The following CEP78 variants were observed in gnomAD, a reference collection of about 807,000 sequenced individuals.
CEP78 encodes centrosomal protein 78, also known as centrosomal protein of 78 kDa.
CEP78 carries 76 observed loss-of-function variants against 81.2 expected under a neutral mutation model. That is an observed-to-expected ratio of 0.94 (90% CI 0.78 to 1.13). The LOEUF (loss-of-function observed/expected upper bound fraction) is 1.13, where lower values mean the gene tolerates loss of function less well. CEP78 is among the 50% of genes most tolerant of loss of function. CEP78 has a pLI of 0.00. For missense variants in CEP78, 918 were observed against 846.8 expected (o/e 1.08, Z -1.04); for synonymous variants, 293 against 301.4 (o/e 0.97, Z 0.29).
In CEP78 at chr9:78,274,349, A is replaced by G. The variant is rs1047937551; in HGVS notation, c.*3498A>G. On this transcript the variant is annotated 3_prime_UTR_variant, in exon 17 of 17. Coordinates refer to ENST00000643273, the MANE Select transcript of CEP78 (RefSeq NM_001330691.3). Reference sequence around the variant, plus strand: ...GAGGAGTTGATTACAAAGAGGCTGTACAAGGGAGTTTGTTTGTTTGTTTGT... The same window carrying G: ...GAGGAGTTGATTACAAAGAGGCTGTGCAAGGGAGTTTGTTTGTTTGTTTGT... 1 of 152,202 alleles carries G rather than the reference A, an allele frequency of 6.6e-6. No homozygotes were observed. The highest frequency in any genetic ancestry group is 2.4e-5 in the African/African-American group (1 of 41,382). The allele number at this position is 152,202 out of a possible 1,614,324, so 9.4% of individuals were successfully genotyped here.
intron 16 of CEP78, among the ~76,000 whole-genome samples, chr9:78,268,520 A>G (rs952752770): frequency 6.6e-6 from 1 of 152,192 alleles, no homozygotes; most frequent in Non-Finnish European, 1.5e-5. Context: ...AGGCTGATAC[A>G]TTAAAGAAGT....
chr9:78,245,712 T>C (rs1826446511), intron 5 of CEP78, among the ~76,000 whole-genome samples: 1 of 152,234 alleles, frequency 6.6e-6, no homozygotes, highest in African/African-American at 2.4e-5. Context: ...CTAGTATTCA[T>C]GAGCATTTGT....
At chr9:78,242,160 C>T (rs1376275105) in intron 4 of CEP78, among the ~76,000 whole-genome samples, 3 of 151,962 alleles carry the variant, frequency 2.0e-5, no homozygotes, top group Non-Finnish European at 2.9e-5. Context: ...TGGTGTAGAT[C>T]GGGGTAGTCA....
At chr9:78,236,660 G>T in intron 1 of CEP78, 57 bp downstream of exon 1, 1 of 1,506,200 alleles carries the variant, frequency 6.6e-7, no homozygotes, top group Non-Finnish European at 8.9e-7. Flanking sequence ...GGGTTTTTAG[G>T]TGAGTGGTGT....
chr9:78,275,788 A>C lies in CEP78; in HGVS notation c.*4937A>C, dbSNP rs899564248. On this transcript the variant is annotated 3_prime_UTR_variant, in exon 17 of 17. Transcript: ENST00000643273. The stretch of plus-strand genomic sequence containing the variant: ...ATTAAAAAACAAAACAAAACAAAAA[A>C]ACCCAAAACTTAGCCAGGCATGGTG... The C allele has an allele frequency of 3.3e-5, 5 of 152,136 alleles. No homozygotes were observed. The highest frequency in any genetic ancestry group is 7.3e-5 in the Non-Finnish European group (5 of 68,304). 9.4% of individuals were successfully genotyped at this position (152,136 alleles called of 1,614,324 possible). A position where few individuals can be genotyped will look rare whatever the true frequency, so the allele number is the denominator to read the frequency against.
At chr9:78,249,457 A>T (rs947729282) in intron 8 of CEP78, 1 of 152,194 alleles carries the variant, frequency 6.6e-6, no homozygotes, top group Non-Finnish European at 1.5e-5. Flanking sequence ...TTAGACAAAC[A>T]TTCCCTAAAT....
In CEP78 at chr9:78,266,722, ACT is replaced by A. The variant is rs1253966120; in HGVS notation, c.2107+22_2107+23del. 5.6e-6 allele frequency: 9 copies of A among 1,611,034 alleles called. No individual in the cohort carries two copies. Among genetic ancestry groups the A allele is most frequent in the Non-Finnish European group, 6.8e-6 (8 of 1,178,666 alleles). Reference sequence around the variant, plus strand: ...AAAACAGGTGAATATACCAAAAAACACTCTGATAAGCAACACCCTGGAAAGGA... The same window carrying A: ...AAAACAGGTGAATATACCAAAAAACACTGATAAGCAACACCCTGGAAAGGA... On this transcript the variant is annotated intron_variant, in intron 16 of 16. Coordinates refer to ENST00000643273, the MANE Select transcript of CEP78 (RefSeq NM_001330691.3).
In CEP78 at chr9:78,265,892, G is replaced by A; in HGVS notation, c.1831G>A (p.Gly611Arg). Residue 611 changes from glycine to arginine, a missense_variant, in exon 15 of 17, where the codon GGA becomes AGA. Physicochemically the swap from Gly to Arg is moderately radical, Grantham distance 125. Coordinates refer to ENST00000643273, the MANE Select transcript of CEP78 (RefSeq NM_001330691.3). ...SICMQSAYNEGTLMKFQKITG... is the reference protein window; with the variant it reads ...SICMQSAYNERTLMKFQKITG... ...TTGTATGCAGTCAGCTTACAATGAA[G>A]GAACACTAATGAAGGTACAAGTACT... The A allele has an allele frequency of 7.2e-7, 1 of 1,386,008 alleles. No individual in the cohort carries two copies. Among genetic ancestry groups the A allele is most frequent in the Non-Finnish European group, 1.0e-6 (1 of 995,588 alleles). 85.9% of individuals were successfully genotyped at this position (1,386,008 alleles called of 1,614,324 possible).
Position 78,273,122 on chromosome 9 carries a change from A to G in CEP78, c.*2271A>G, listed in dbSNP as rs1315419470. On this transcript the variant is annotated 3_prime_UTR_variant, in exon 17 of 17. Coordinates refer to ENST00000643273, the MANE Select transcript of CEP78 (RefSeq NM_001330691.3). ...AAGAAAAAGAAACAAGCTACATAGA[A>G]ATAAAAAATCCACAATATAGCAAGA... 6.6e-6 allele frequency: 1 copy of G among 152,240 alleles called. No individual in the cohort carries two copies. The highest frequency in any genetic ancestry group is 1.5e-5 in the Non-Finnish European group (1 of 68,054). 9.4% of individuals were successfully genotyped at this position (152,240 alleles called of 1,614,324 possible). A position where few individuals can be genotyped will look rare whatever the true frequency, so the allele number is the denominator to read the frequency against.
intron 8 of CEP78, chr9:78,249,187 CA>C (rs1287292410): frequency 6.5e-6 from 1 of 154,990 alleles, no homozygotes; most frequent in Non-Finnish European, 1.4e-5. Flanking sequence ...ATTTGGGATG[CA>C]CTTTGATGAC....
intron 16 of CEP78, among the ~76,000 whole-genome samples, chr9:78,268,400 G>T (rs143588123): frequency 6.6e-6 from 1 of 152,110 alleles, no homozygotes; most frequent in Non-Finnish European, 1.5e-5. Flanking sequence ...GAACAAGATC[G>T]AGTCTTATAA....
intron 13 of CEP78, 30 bp from the exon 14 acceptor site, chr9:78,265,342 G>A (rs1554681921): frequency 6.5e-7 from 1 of 1,543,714 alleles, no homozygotes; most frequent in East Asian, 2.3e-5. Flanking sequence ...AGTAATCCTT[G>A]CCTTTTCCTC....
In CEP78 at chr9:78,259,482, G is replaced by A. The variant is rs554614420; in HGVS notation, c.1381-3425G>A. Reference sequence around the variant, plus strand: ...CTTTTCAGTATGTATAGCATATTTTGTGATTTAAAAAACCTGCTTAAAGAA... The same window carrying A: ...CTTTTCAGTATGTATAGCATATTTTATGATTTAAAAAACCTGCTTAAAGAA... On this transcript the variant is annotated intron_variant, in intron 11 of 16. Transcript: ENST00000643273. Among the ~76,000 whole-genome samples, 3 of 152,258 alleles carry A rather than the reference G, an allele frequency of 2.0e-5. No individual in the cohort carries two copies. In the East Asian group the frequency reaches 5.8e-4, roughly 29 times the overall value.
At chr9:78,241,338 C>A (rs1456932227) in intron 3 of CEP78, among the ~76,000 whole-genome samples, 2 of 152,152 alleles carry the variant, frequency 1.3e-5, no homozygotes, top group Middle Eastern at 3.2e-3. Context: ...TGGTTAATAA[C>A]AGATTGAGGT....
In CEP78 at chr9:78,265,420, A is replaced by G. The variant is rs1301463970; in HGVS notation, c.1674A>G (p.Gln558=). The G allele has an allele frequency of 3.7e-6, 6 of 1,606,180 alleles. No homozygotes were observed. Among genetic ancestry groups the G allele is most frequent in the South Asian group, 2.2e-5 (2 of 89,004 alleles). ...CTGGGATAGATCAGTCAGATTTTCA[A>G]TTACTAGGTCATCCCCAGATGACTT... The part of the protein sequence containing the change: ...TMAGIDQSDF[Q]LLGHPQMTST... Residue 558 remains glutamine, a synonymous_variant, in exon 14 of 17, where the codon CAA becomes CAG. Transcript: ENST00000643273.
At position 78,278,604 on chromosome 9, in the gene CEP78, A is replaced by G. The variant is rs965686493; in HGVS notation, c.*7753A>G. On this transcript the variant is annotated 3_prime_UTR_variant, in exon 17 of 17. Transcript: ENST00000643273. ...ATGTTTCACAATCCACTAATGGGTA[A>G]TGTCCTACTGTTTGGAAACACTGGC... is the stretch of plus-strand genomic sequence containing the variant. 3 of 152,232 alleles carry G rather than the reference A, an allele frequency of 2.0e-5. No homozygotes were observed. The highest frequency in any genetic ancestry group is 4.4e-5 in the Non-Finnish European group (3 of 68,042). The allele number at this position is 152,232 out of a possible 1,614,324, so 9.4% of individuals were successfully genotyped here.
At chr9:78,242,638 T>C (rs186425362) in intron 4 of CEP78, among the ~76,000 whole-genome samples, 3 of 152,358 alleles carry the variant, frequency 2.0e-5, no homozygotes, top group East Asian at 1.9e-4. Flanking sequence ...ACAGTTATTA[T>C]GAATAGCAAA....
At chr9:78,253,157 C>T in intron 9 of CEP78, 75 bp from the exon 10 acceptor site, 1 of 729,902 alleles carries the variant, frequency 1.4e-6, no homozygotes, top group Non-Finnish European at 2.5e-6. Context: ...ATAATACTAG[C>T]AAGTGTTATT....
intron 1 of CEP78, among the ~76,000 whole-genome samples, chr9:78,237,160 T>A (rs1251646956): frequency 6.6e-6 from 1 of 151,524 alleles, no homozygotes; most frequent in African/African-American, 2.4e-5. Flanking sequence ...TTTGTATTTT[T>A]AGTAGAGATG....
Sources: gnomAD v4.1 joint callset for allele counts (sites outside exome capture counted in the v4.1 genomes callset) on GRCh38, gnomAD v4.1.1 for gene constraint, MANE v1.5 for transcripts, NCBI Gene and HGNC (gene_info 2026-07-23, HGNC 2026-07-21) for gene names.